METTL22: variants seen among roughly 807,000 people sequenced by gnomAD.
METTL22 encodes the protein methyltransferase 22, Kin17 lysine, also known as methyltransferase-like protein 22.
A neutral mutation model predicts 48.4 loss-of-function variants in METTL22; 51 were observed. The ratio of observed to expected loss-of-function variants is 1.05; its 90% CI spans 0.84 to 1.33. METTL22 has a LOEUF of 1.33. METTL22 is among the 40% of genes most tolerant of loss of function. The pLI is 0.00. For missense variants in METTL22, 678 were observed against 526.9 expected, an observed-to-expected ratio of 1.29 and a Z score of -2.81; for synonymous variants, 255 against 214.1, an observed-to-expected ratio of 1.19 and a Z score of -1.67.
intron 3 of METTL22, among the ~76,000 whole-genome samples, chr16:8,629,507 G>A (rs965245722): frequency 2.0e-5 from 3 of 152,196 alleles, no homozygotes; most frequent in African/African-American, 4.8e-5. Flanking sequence ...GGCCTGGCTG[G>A]GCTGGCAGTA....
At chr16:8,643,337 T>G (rs185796958) in intron 9 of METTL22, among the ~76,000 whole-genome samples, 17 of 152,362 alleles carry the variant, frequency 1.1e-4, no homozygotes, top group Admixed American at 1.1e-3. Context: ...GGATCCTGAT[T>G]TCATAAACTG....
At chr16:8,660,153 C>G in the METTL22 span, among the ~76,000 whole-genome samples, 3 of 143,932 alleles carry the variant, frequency 2.1e-5, no homozygotes, top group African/African-American at 7.5e-5. Context: ...TGTAACATGG[C>G]CTGTTTTTGT....
At chr16:8,629,178 A>C in intron 3 of METTL22, 68 bp downstream of exon 3, 28 of 1,552,818 alleles carry the variant, frequency 1.8e-5, no homozygotes, top group East Asian at 2.2e-5. Context: ...CTCAGGGCTC[A>C]GTATGATCTG....
In METTL22 at chr16:8,640,251, G is replaced by A. The variant is rs531135916; in HGVS notation, c.773-880G>A. On this transcript the variant is annotated intron_variant, in intron 6 of 10. Transcript: ENST00000381920. The stretch of plus-strand genomic sequence containing the variant: ...GCTGGGAGGATGGAGGGAGCATGCT[G>A]GTGGAAGCCTTCCCTGACATCCGCT... Among the ~76,000 whole-genome samples, 8 of 152,104 alleles carry A rather than the reference G, an allele frequency of 5.3e-5. No individual in the cohort carries two copies. In the South Asian group the frequency reaches 1.0e-3, roughly 20 times the overall value.
intron 9 of METTL22, among the ~76,000 whole-genome samples, chr16:8,643,986 G>C (rs1427153100): frequency 6.6e-6 from 1 of 152,170 alleles, no homozygotes; most frequent in African/African-American, 2.4e-5. Context: ...AAGGGAAAAA[G>C]GCAAAGAGCT....
At chr16:8,633,102 G>A (rs2056315584) in intron 3 of METTL22, among the ~76,000 whole-genome samples, 1 of 152,158 alleles carries the variant, frequency 6.6e-6, no homozygotes, top group Non-Finnish European at 1.5e-5. Flanking sequence ...GACTGGGGAA[G>A]AGGAACTGGG....
chr16:8,655,721 C>T, the METTL22 span, among the ~76,000 whole-genome samples: 12 of 152,322 alleles, frequency 7.9e-5, no homozygotes, highest in East Asian at 1.9e-3. Flanking sequence ...TGGGCAAGCC[C>T]GCCAGCATTG....
chr16:8,643,637 G>C (rs1484725410), intron 9 of METTL22, among the ~76,000 whole-genome samples: 2 of 152,148 alleles, frequency 1.3e-5, no homozygotes, highest in African/African-American at 4.8e-5. Flanking sequence ...TTTTGAGGCA[G>C]AGTCTTGCCC....
At chr16:8,657,799 CCTT>C in the METTL22 span, among the ~76,000 whole-genome samples, 46 of 134,306 alleles carry the variant, frequency 3.4e-4, no homozygotes, top group Non-Finnish European at 5.5e-4. Context: ...TGACTGGTGT[CCTT>C]CTTTTTTCTT....
At chr16:8,659,201 T>A in the METTL22 span, among the ~76,000 whole-genome samples, 1 of 151,636 alleles carries the variant, frequency 6.6e-6, no homozygotes, top group Non-Finnish European at 1.5e-5. Flanking sequence ...CACAGTGGTG[T>A]GCCCCTGTAG....
the METTL22 span, chr16:8,667,056 A>C: frequency 6.6e-6 from 1 of 151,506 alleles, no homozygotes; most frequent in Non-Finnish European, 1.5e-5. Flanking sequence ...TCAGCCCCCA[A>C]AAGTGCTGGG....
At chr16:8,658,520 C>G in the METTL22 span, among the ~76,000 whole-genome samples, 1 of 152,198 alleles carries the variant, frequency 6.6e-6, no homozygotes, top group African/African-American at 2.4e-5. Flanking sequence ...AAGATCTTGG[C>G]TGAAGCCCGG....
At chr16:8,644,520 T>C (rs762951207) in intron 9 of METTL22, 37 bp from the exon 10 acceptor site, 2 of 1,515,354 alleles carry the variant, frequency 1.3e-6, no homozygotes, top group Non-Finnish European at 8.9e-7. Flanking sequence ...TTCCCATTGA[T>C]GATGGCAGTT....
chr16:8,646,722 G>A lies in METTL22; in HGVS notation c.*579G>A, dbSNP rs1234450769. 3 of 453,448 alleles carry A rather than the reference G, an allele frequency of 6.6e-6. No individual in the cohort carries two copies. Among genetic ancestry groups the A allele is most frequent in the African/African-American group, 6.0e-5 (3 of 49,914 alleles). 28.1% of individuals were successfully genotyped at this position (453,448 alleles called of 1,614,324 possible). On this transcript the variant is annotated 3_prime_UTR_variant, in exon 11 of 11. Transcript: ENST00000381920. ...TTTAACTCTTTATCACCCAAATCAG[G>A]TACGTTTGGAATAAACCTAAGAGCC... is the stretch of plus-strand genomic sequence containing the variant.
chr16:8,646,355 T>G lies in METTL22; in HGVS notation c.*212T>G, dbSNP rs1472866471. ...TGTTGCTGTGGGCTGGAGGTCACTT[T>G]AGTTGCCTGTTTCTCATGGTTGTGA... On this transcript the variant is annotated 3_prime_UTR_variant, in exon 11 of 11. Transcript: ENST00000381920. 2.8e-6 allele frequency: 2 copies of G among 717,140 alleles called. No homozygotes were observed. The highest frequency in any genetic ancestry group is 5.4e-5 in the East Asian group (2 of 37,016). The allele number at this position is 717,140 out of a possible 1,614,324, so 44.4% of individuals were successfully genotyped here. A position where few individuals can be genotyped will look rare whatever the true frequency, so the allele number is the denominator to read the frequency against.
chr16:8,637,690 G>T (rs2056464021), intron 5 of METTL22, among the ~76,000 whole-genome samples: 1 of 152,234 alleles, frequency 6.6e-6, no homozygotes, highest in Non-Finnish European at 1.5e-5. Context: ...AGATTGTGTT[G>T]CATGGAACAG....
rs1435761800 is a variant in METTL22 at position 8,642,030 on chromosome 16, G to C, written c.827-97G>C. ...ACTGCACCGAGCTACCCCCAGCCCT[G>C]TTTCTTCTCTTGAAGTGCCTTTTGG... On this transcript the variant is annotated intron_variant, in intron 7 of 10. Coordinates refer to ENST00000381920, the MANE Select transcript of METTL22 (RefSeq NM_024109.4). 1.2e-5 allele frequency: 11 copies of C among 956,426 alleles called. No homozygotes were observed. The African/African-American group carries it at 1.8e-4, about 15-fold the overall frequency. The allele number at this position is 956,426 out of a possible 1,614,324, so 59.2% of individuals were successfully genotyped here.
At chr16:8,659,808 C>T in the METTL22 span, among the ~76,000 whole-genome samples, 1 of 151,882 alleles carries the variant, frequency 6.6e-6, no homozygotes, top group African/African-American at 2.4e-5. Context: ...ACTGCAGCCT[C>T]GACCTCCTGG....
downstream of METTL22, among the ~76,000 whole-genome samples, chr16:8,650,301 C>T (rs139026738): frequency 1.6e-3 from 251 of 152,346 alleles, no homozygotes; most frequent in African/African-American, 5.8e-3. Context: ...TACACCCTCA[C>T]AGCCTTACAG....
Sources: gnomAD v4.1 joint callset for allele counts (sites outside exome capture counted in the v4.1 genomes callset) on GRCh38, gnomAD v4.1.1 for gene constraint, MANE v1.5 for transcripts, NCBI Gene and HGNC (gene_info 2026-07-23, HGNC 2026-07-21) for gene names.